The following GEMIN2 variants were observed in gnomAD, a reference collection of about 807,000 sequenced individuals.
The protein encoded by GEMIN2 is gem nuclear organelle associated protein 2.
GEMIN2 carries 37 observed loss-of-function variants against 45.8 expected under a neutral mutation model. The ratio of observed to expected loss-of-function variants is 0.81; its 90% CI spans 0.62 to 1.06. The LOEUF is 1.06. GEMIN2 is among the 50% of genes least tolerant of loss of function. GEMIN2 has a pLI of 0.00. For synonymous variants in GEMIN2, 101 were observed against 111.5 expected, an observed-to-expected ratio of 0.91 and a Z score of 0.60; for missense variants, 335 against 321.8, an observed-to-expected ratio of 1.04 and a Z score of -0.31.
intron 6 of GEMIN2, 152 bp from the exon 7 acceptor site, chr14:39,128,128 A>G: frequency 2.0e-6 from 1 of 496,706 alleles, no homozygotes; most frequent in Non-Finnish European, 3.6e-6. Flanking sequence ...CAAACTAATT[A>G]GAGTCAAACA....
chr14:39,136,364 T>G, intron 9 of GEMIN2, 76 bp from the exon 10 acceptor site: 1 of 781,440 alleles, frequency 1.3e-6, no homozygotes, highest in Admixed American at 1.9e-5. Context: ...TTTGGGTTGC[T>G]TATGGTCTTT....
At chr14:39,119,365 A>G (rs1229863157) in intron 4 of GEMIN2, among the ~76,000 whole-genome samples, 1 of 152,140 alleles carries the variant, frequency 6.6e-6, no homozygotes, top group African/African-American at 2.4e-5. Context: ...TGTCATGTAT[A>G]TTGTCATGCA....
chr14:39,117,180 G>A (rs549171714), intron 2 of GEMIN2, among the ~76,000 whole-genome samples: 33 of 151,202 alleles, frequency 2.2e-4, no homozygotes, highest in African/African-American at 7.0e-4. Flanking sequence ...GCTGAGGCAG[G>A]AGAATTGCTT....
intron 4 of GEMIN2, 66 bp downstream of exon 4, chr14:39,118,665 C>G (rs2052540010): frequency 1.4e-6 from 1 of 709,650 alleles, no homozygotes; most frequent in Non-Finnish European, 2.6e-6. Flanking sequence ...ATATTTACTT[C>G]CAGTCGTTAA....
chr14:39,123,708 A>ATAT (rs1555333787), intron 5 of GEMIN2, among the ~76,000 whole-genome samples: 8 of 37,698 alleles, frequency 2.1e-4, no homozygotes, highest in African/African-American at 1.0e-3. Flanking sequence ...ATATATATAT[A>ATAT]TTTTTTTTTT....
intron 5 of GEMIN2, among the ~76,000 whole-genome samples, chr14:39,123,517 G>T (rs1210393485): frequency 6.6e-6 from 1 of 151,392 alleles, no homozygotes; most frequent in South Asian, 2.1e-4. Flanking sequence ...TATTGGCCAA[G>T]AAAGTTTGAT....
In GEMIN2 at chr14:39,114,866, CA is replaced by C; in HGVS notation, c.178del (p.Ile60LeufsTer6). ...TCAATGTCCAGATGTTGTGGTAGCT[CA>C]AATTGACCCAAAGAAGTTGAAAAGG... ...AAQCPDVVVA[Q>X]IDPKKLKRKQ... On this transcript the variant is annotated frameshift_variant, in exon 2 of 10. Coordinates refer to ENST00000308317, the MANE Select transcript of GEMIN2 (RefSeq NM_003616.3). LOFTEE classifies it high-confidence loss of function. 1 of 1,581,280 alleles carries C rather than the reference CA, an allele frequency of 6.3e-7. No individual in the cohort carries two copies. The highest frequency in any genetic ancestry group is 8.7e-7 in the Non-Finnish European group (1 of 1,150,118).
At chr14:39,115,581 C>T (rs561970972) in intron 2 of GEMIN2, among the ~76,000 whole-genome samples, 1 of 151,590 alleles carries the variant, frequency 6.6e-6, no homozygotes, top group South Asian at 2.1e-4. Flanking sequence ...CTCAGCCTCC[C>T]GAGTAGCTGG....
intron 4 of GEMIN2, 111 bp from the exon 5 acceptor site, chr14:39,122,319 A>G (rs1406095686): frequency 3.2e-6 from 2 of 624,120 alleles, no homozygotes; most frequent in Non-Finnish European, 2.8e-6. Context: ...CTGGCTCCGT[A>G]TCTTTGGGTT....
At chr14:39,128,798 T>G (rs544228533) in intron 7 of GEMIN2, among the ~76,000 whole-genome samples, 1 of 152,160 alleles carries the variant, frequency 6.6e-6, no homozygotes, top group South Asian at 2.1e-4. Context: ...CCACCATGTG[T>G]GCGGCCTTTT....
chr14:39,134,751 AAAT>A (rs560893157), intron 9 of GEMIN2, among the ~76,000 whole-genome samples: 53 of 152,306 alleles, frequency 3.5e-4, no homozygotes, highest in African/African-American at 1.2e-3. Context: ...GAGAGAGGTT[AAAT>A]AATATTACTA....
At chr14:39,125,154 T>C in intron 6 of GEMIN2, 118 bp downstream of exon 6, 1 of 602,150 alleles carries the variant, frequency 1.7e-6, no homozygotes, top group Admixed American at 2.5e-5. Context: ...CTAAGCTCTT[T>C]AATGGTTCTT....
intron 2 of GEMIN2, 53 bp downstream of exon 2, chr14:39,114,966 T>C: frequency 1.2e-6 from 1 of 831,366 alleles, no homozygotes; most frequent in Non-Finnish European, 2.1e-6. Context: ...ATTAAAAGAC[T>C]AACGCTCTTC....
At chr14:39,129,774 T>A (rs544852425) in intron 7 of GEMIN2, among the ~76,000 whole-genome samples, 5 of 152,058 alleles carry the variant, frequency 3.3e-5, no homozygotes, top group African/African-American at 1.2e-4. Context: ...ATATGTATAA[T>A]CTGAACTATA....
chr14:39,118,639 C>T (rs1405933631), intron 4 of GEMIN2, 40 bp downstream of exon 4: 1 of 875,828 alleles, frequency 1.1e-6, no homozygotes. Flanking sequence ...CAATGTATAC[C>T]TGATTGAAAG....
chr14:39,117,127 C>T (rs1284124961), intron 2 of GEMIN2, among the ~76,000 whole-genome samples: 1 of 152,028 alleles, frequency 6.6e-6, no homozygotes, highest in Non-Finnish European at 1.5e-5. Context: ...ACAAAATTAG[C>T]CGGGTGTGGT....
chr14:39,124,887 T>A (rs2052620646), intron 5 of GEMIN2, 105 bp from the exon 6 acceptor site: 1 of 661,590 alleles, frequency 1.5e-6, no homozygotes. Context: ...TTTTATTTGT[T>A]CTTTGTTTCT....
At chr14:39,121,093 A>G (rs748121812) in intron 4 of GEMIN2, among the ~76,000 whole-genome samples, 3 of 152,132 alleles carry the variant, frequency 2.0e-5, no homozygotes, top group Non-Finnish European at 2.9e-5. Flanking sequence ...TGAAATATGT[A>G]ATCATGTCTC....
intron 7 of GEMIN2, among the ~76,000 whole-genome samples, chr14:39,129,447 T>A (rs189203653): frequency 2.0e-4 from 31 of 152,238 alleles, no homozygotes; most frequent in Middle Eastern, 3.4e-3. Flanking sequence ...GGAATCTCCC[T>A]CTGTTGCCCA....
Sources: gnomAD v4.1 joint callset for allele counts (sites outside exome capture counted in the v4.1 genomes callset) on GRCh38, gnomAD v4.1.1 for gene constraint, MANE v1.5 for transcripts, NCBI Gene and HGNC (gene_info 2026-07-23, HGNC 2026-07-21) for gene names.